RAB6A: variants seen among roughly 807,000 people sequenced by gnomAD.
RAB6A encodes ras-related protein Rab-6A.
Under a neutral mutation model 32.3 loss-of-function variants are expected in RAB6A, and 8 were observed. That is an observed-to-expected ratio of 0.25 (90% CI 0.15 to 0.45). The LOEUF is 0.45. Among genes scored for constraint, RAB6A ranks in the 20% least tolerant of loss-of-function variants. The pLI is 1.00. For synonymous variants in RAB6A, 73 were observed against 82.1 expected, an observed-to-expected ratio of 0.89 and a Z score of 0.60; for missense variants, 104 against 249.4, an observed-to-expected ratio of 0.42 and a Z score of 3.93.
At chr11:73,742,386 C>T (rs527557436) in intron 1 of RAB6A, among the ~76,000 whole-genome samples, 41 of 152,318 alleles carry the variant, frequency 2.7e-4, no homozygotes, top group Middle Eastern at 3.4e-3. Context: ...GATCCTCTCG[C>T]CTAAGCTTCC....
chr11:73,721,365 A>G (rs1002428607), intron 2 of RAB6A, among the ~76,000 whole-genome samples: 3 of 152,338 alleles, frequency 2.0e-5, no homozygotes, highest in Middle Eastern at 3.4e-3. Context: ...CACAAACATC[A>G]TAACTTTCCA....
intron 7 of RAB6A, among the ~76,000 whole-genome samples, chr11:73,679,228 T>C (rs1461569702): frequency 6.6e-6 from 1 of 152,204 alleles, no homozygotes; most frequent in Non-Finnish European, 1.5e-5. Context: ...TGAACTAATA[T>C]TATGTCCTGT....
At chr11:73,734,353 T>A (rs1480520321) in intron 1 of RAB6A, among the ~76,000 whole-genome samples, 1 of 152,166 alleles carries the variant, frequency 6.6e-6, no homozygotes, top group Non-Finnish European at 1.5e-5. Flanking sequence ...CTCAAACTCC[T>A]GACCTCAGGT....
intron 7 of RAB6A, 55 bp downstream of exon 7, chr11:73,679,599 G>T: frequency 6.3e-7 from 1 of 1,593,208 alleles, no homozygotes; most frequent in Admixed American, 1.7e-5. Context: ...AAGCAAGCAG[G>T]GCTCTAAAGA....
chr11:73,731,727 T>C (rs1198940891), intron 1 of RAB6A, among the ~76,000 whole-genome samples: 3 of 8,404 alleles, frequency 3.6e-4, no homozygotes, highest in East Asian at 0.012. Context: ...TATATATATA[T>C]ATATACACAC....
At chr11:73,683,340 C>T (rs1267289567) in intron 6 of RAB6A, among the ~76,000 whole-genome samples, 3 of 148,520 alleles carry the variant, frequency 2.0e-5, no homozygotes, top group South Asian at 2.1e-4. Flanking sequence ...CCTGAGGTCT[C>T]GACCTCATGG....
At chr11:73,760,464 A>G (rs1946827944) in intron 1 of RAB6A, 102 bp downstream of exon 1, 1 of 1,433,476 alleles carries the variant, frequency 7.0e-7, no homozygotes, top group Admixed American at 2.5e-5. Flanking sequence ...ACGAGCGCGG[A>G]CGCGAGGCGG....
At position 73,721,957 on chromosome 11, in the gene RAB6A, A is replaced by T. The variant is rs1423561264; in HGVS notation, c.130-1058T>A. ...TGTGTCATAGTTGAGTTCTCACGAG[A>T]TCTGATGGTTTTATAAAAGGATTTC... is the stretch of plus-strand genomic sequence containing the variant. On this transcript the variant is annotated intron_variant, in intron 2 of 7. Coordinates refer to ENST00000336083, the MANE Select transcript of RAB6A (RefSeq NM_198896.2). Among the ~76,000 whole-genome samples the T allele has an allele frequency of 5.3e-5, 8 of 151,914 alleles. No homozygotes were observed. In the East Asian group the frequency reaches 1.5e-3, roughly 29 times the overall value.
intron 6 of RAB6A, among the ~76,000 whole-genome samples, chr11:73,685,592 G>GTCTTTTTT (rs1555054185): frequency 6.9e-6 from 1 of 145,052 alleles, no homozygotes; most frequent in Non-Finnish European, 1.5e-5. Flanking sequence ...CGGACTGAAA[G>GTCTTTTTT]TAGCGACCAG....
intron 3 of RAB6A, among the ~76,000 whole-genome samples, chr11:73,719,895 CG>C (rs1212516345): frequency 6.6e-6 from 1 of 151,410 alleles, no homozygotes; most frequent in Non-Finnish European, 1.5e-5. Flanking sequence ...GGATTACAGG[CG>C]TGAGCCACCA....
chr11:73,698,624 T>C (rs1017456864), intron 6 of RAB6A, among the ~76,000 whole-genome samples: 2 of 152,162 alleles, frequency 1.3e-5, no homozygotes, highest in African/African-American at 4.8e-5. Flanking sequence ...CATAGATTCC[T>C]TCTTGTATTC....
rs1238666420 is a variant in RAB6A at position 73,722,305 on chromosome 11, G to GTGTGTATGTATATATATATATATATATA, written c.130-1407_130-1406insTATATATATATATATATATACATACACA. 4 of 42,368 alleles carry GTGTGTATGTATATATATATATATATATA rather than the reference G, an allele frequency of 9.4e-5. 1 individual carries two copies. Among genetic ancestry groups the GTGTGTATGTATATATATATATATATATA allele is most frequent in the African/African-American group, 3.9e-4 (4 of 10,134 alleles). The allele number at this position is 42,368 out of a possible 1,614,324, so 2.6% of individuals were successfully genotyped here. A position where few individuals can be genotyped will look rare whatever the true frequency, so the allele number is the denominator to read the frequency against. On this transcript the variant is annotated intron_variant, in intron 2 of 7. Transcript: ENST00000336083. ...AAAATTCAAATATATATGTGTGTGT[G>GTGTGTATGTATATATATATATATATATA]TATATATATATATATATATATATAT...
chr11:73,679,579 T>C, intron 7 of RAB6A, 75 bp downstream of exon 7: 1 of 1,553,286 alleles, frequency 6.4e-7, no homozygotes, highest in South Asian at 1.1e-5. Context: ...TGGCACAATA[T>C]TCTTTAGCCA....
At chr11:73,722,305 G>GTGTGTA (rs1238666420) in intron 2 of RAB6A, 7 of 42,340 alleles carry the variant, frequency 1.7e-4, no homozygotes, top group East Asian at 5.5e-4. Flanking sequence ...ATGTGTGTGT[G>GTGTGTA]TATATATATA....
intron 4 of RAB6A, among the ~76,000 whole-genome samples, chr11:73,717,042 AAAGT>A (rs1423820688): frequency 6.6e-6 from 1 of 152,264 alleles, no homozygotes; most frequent in Non-Finnish European, 1.5e-5. Context: ...TGCTGTGGTT[AAAGT>A]AAGCACAAAC....
Position 73,679,717 on chromosome 11 carries a change from AG to A in RAB6A, c.498del (p.Arg168AspfsTer3). The A allele has an allele frequency of 6.3e-7, 1 of 1,577,878 alleles. No individual in the cohort carries two copies. Among genetic ancestry groups the A allele is most frequent in the Non-Finnish European group, 8.6e-7 (1 of 1,159,296 alleles). ...GGCAAAGCTGCTGCTACACGTCGAA[AG>A]AGCTGTGGGAAAGAGAGAAAAGTGA... ...SAKAGYNVKQLFRRVAAALPG... is the reference protein window; with the variant it reads ...SAKAGYNVKQXFRRVAAALPG... On this transcript the variant is annotated frameshift_variant and splice_region_variant, in exon 7 of 8. Transcript: ENST00000336083. LOFTEE classifies it high-confidence loss of function.
chr11:73,723,311 C>CTTAT lies in RAB6A; in HGVS notation c.130-2416_130-2413dup, dbSNP rs1555062326. ...GGGAAAAAAAGAAAGATTTATTTTA[C>CTTAT]TTATTTTATTTTATTTTATTTATTT... is the stretch of plus-strand genomic sequence containing the variant. On this transcript the variant is annotated intron_variant, in intron 2 of 7. Coordinates refer to ENST00000336083, the MANE Select transcript of RAB6A (RefSeq NM_198896.2). 5.4e-3 allele frequency among the ~76,000 whole-genome samples: 821 copies of CTTAT among 151,658 alleles called. 8 individuals carry two copies. Among genetic ancestry groups the CTTAT allele is most frequent in the African/African-American group, 0.018 (749 of 41,292 alleles).
At chr11:73,759,918 C>G (rs777589508) in intron 1 of RAB6A, 1 of 751,372 alleles carries the variant, frequency 1.3e-6, no homozygotes, top group Non-Finnish European at 1.9e-6. Flanking sequence ...CCACTGCCGA[C>G]GCTACCCCTT....
rs183500663 is a variant in RAB6A at position 73,733,081 on chromosome 11, G to A, written c.71-2258C>T. ...CTGCCTTGACCTCCCAAAGTGCTGG[G>A]ATTACAAGCATGAGCGTCCACATCT... On this transcript the variant is annotated intron_variant, in intron 1 of 7. Coordinates refer to ENST00000336083, the MANE Select transcript of RAB6A (RefSeq NM_198896.2). Among the ~76,000 whole-genome samples, 75 of 152,190 alleles carry A rather than the reference G, an allele frequency of 4.9e-4. 1 individual carries two copies. Among genetic ancestry groups the A allele is most frequent in the African/African-American group, 1.7e-3 (70 of 41,540 alleles).
Sources: gnomAD v4.1 joint callset for allele counts (sites outside exome capture counted in the v4.1 genomes callset) on GRCh38, gnomAD v4.1.1 for gene constraint, MANE v1.5 for transcripts, NCBI Gene and HGNC (gene_info 2026-07-23, HGNC 2026-07-21) for gene names.